FAM107B: variants seen among roughly 807,000 people sequenced by gnomAD.
FAM107B encodes the protein protein FAM107B.
FAM107B carries 21 observed loss-of-function variants against 31.5 expected under a neutral mutation model. That is an observed-to-expected ratio of 0.67 (90% CI 0.47 to 0.96). The LOEUF (loss-of-function observed/expected upper bound fraction) is 0.96, where lower values mean the gene tolerates loss of function less well. Ranked by LOEUF, FAM107B falls within the 40% of genes least tolerant of loss-of-function variation. The pLI is 0.00. For synonymous variants in FAM107B, 157 were observed against 141.5 expected, an observed-to-expected ratio of 1.11 and a Z score of -0.78; for missense variants, 452 against 377.1, an observed-to-expected ratio of 1.20 and a Z score of -1.64.
At chr10:14,592,075 GA>G (rs1235124204) in intron 2 of FAM107B, among the ~76,000 whole-genome samples, 2 of 152,204 alleles carry the variant, frequency 1.3e-5, no homozygotes, top group South Asian at 2.1e-4. Flanking sequence ...AATAAGGGAT[GA>G]AATCAATGCT....
At chr10:14,594,555 G>T (rs1461361413) in intron 2 of FAM107B, among the ~76,000 whole-genome samples, 5 of 151,542 alleles carry the variant, frequency 3.3e-5, no homozygotes, top group African/African-American at 9.7e-5. Flanking sequence ...TTCTCCAACT[G>T]GAATCCCAAT....
At chr10:14,548,354 G>T in intron 2 of FAM107B, 2 of 929,684 alleles carry the variant, frequency 2.2e-6, no homozygotes, top group Non-Finnish European at 2.6e-6. Context: ...ATGCTCTTCC[G>T]ACTGCACCTC....
chr10:14,629,839 T>C (rs7904725), intron 2 of FAM107B, among the ~76,000 whole-genome samples: 6,284 of 151,996 alleles, frequency 0.041, 197 homozygotes, highest in African/African-American at 0.088. Context: ...AAATTTATTG[T>C]TATTATATAT....
At position 14,522,212 on chromosome 10, in the gene FAM107B, C is replaced by T. The variant is rs181323637; in HGVS notation, c.654-193G>A. 282 of 675,422 alleles carry T rather than the reference C, an allele frequency of 4.2e-4. 1 individual carries two copies. In the Admixed American group the frequency reaches 7.8e-3, roughly 19 times the overall value. The allele number at this position is 675,422 out of a possible 1,614,324, so 41.8% of individuals were successfully genotyped here. ...CGAAAGAAAGGCAAGAGGAGATCTC[C>T]AAAGAGTACATAAAATCCATTCATT... is the stretch of plus-strand genomic sequence containing the variant. On this transcript the variant is annotated intron_variant, in intron 3 of 4. Coordinates refer to ENST00000181796, the MANE Select transcript of FAM107B (RefSeq NM_031453.4).
rs1015138297 is a variant in FAM107B at position 14,518,772 on chromosome 10, C to T, written c.*2418G>A. 1 of 152,598 alleles carries T rather than the reference C, an allele frequency of 6.6e-6. No homozygotes were observed. The highest frequency in any genetic ancestry group is 1.5e-5 in the Non-Finnish European group (1 of 68,034). 9.5% of individuals were successfully genotyped at this position (152,598 alleles called of 1,614,324 possible). A position where few individuals can be genotyped will look rare whatever the true frequency, so the allele number is the denominator to read the frequency against. On this transcript the variant is annotated 3_prime_UTR_variant, in exon 5 of 5. Transcript: ENST00000181796. ...TTTCAGAGTAGAAGAATAAAGTCGA[C>T]TGTTATAGCTTAGAAAGCAACACTA...
chr10:14,578,833 A>G (rs1010871857), intron 2 of FAM107B, among the ~76,000 whole-genome samples: 1 of 152,220 alleles, frequency 6.6e-6, no homozygotes, highest in Admixed American at 6.5e-5. Flanking sequence ...ATGACGATCA[A>G]ATTTTAATCT....
chr10:14,752,923 C>A (rs1463994515), intron 1 of FAM107B, among the ~76,000 whole-genome samples: 2 of 114,342 alleles, frequency 1.7e-5, no homozygotes, highest in African/African-American at 7.2e-5. Flanking sequence ...CAGAGCAAGA[C>A]CCTGTCTCAA....
rs945966516 is a variant in FAM107B at position 14,530,587 on chromosome 10, C to A, written c.470-72G>T. On this transcript the variant is annotated intron_variant, in intron 2 of 4. Coordinates refer to ENST00000181796, the MANE Select transcript of FAM107B (RefSeq NM_031453.4). Reference sequence around the variant, plus strand: ...CTTTTCCCACACATGCAGAGGCCCACAGAGCTGTGCTCAGTATGCTAACAC... The same window carrying A: ...CTTTTCCCACACATGCAGAGGCCCAAAGAGCTGTGCTCAGTATGCTAACAC... 6.3e-6 allele frequency: 9 copies of A among 1,425,486 alleles called. No homozygotes were observed. In the Admixed American group the frequency reaches 8.9e-5, roughly 14 times the overall value. 88.3% of individuals were successfully genotyped at this position (1,425,486 alleles called of 1,614,324 possible). A position where few individuals can be genotyped will look rare whatever the true frequency, so the allele number is the denominator to read the frequency against.
At chr10:14,748,217 C>T (rs984619964) in intron 1 of FAM107B, among the ~76,000 whole-genome samples, 24 of 152,008 alleles carry the variant, frequency 1.6e-4, no homozygotes, top group African/African-American at 5.8e-4. Context: ...AATCACAGTG[C>T]CTGGCTTGTA....
chr10:14,721,504 T>C (rs896590050), intron 1 of FAM107B, among the ~76,000 whole-genome samples: 3 of 152,112 alleles, frequency 2.0e-5, no homozygotes, highest in Non-Finnish European at 2.9e-5. Flanking sequence ...CTCTCCAGCA[T>C]CTGTTGTTTC....
chr10:14,521,352 C>A (rs760651219), intron 4 of FAM107B, 46 bp from the exon 5 acceptor site: 56 of 1,505,584 alleles, frequency 3.7e-5, no homozygotes, highest in Non-Finnish European at 4.6e-5. Context: ...AACCAAGCAG[C>A]CTTTCAAAAT....
chr10:14,576,765 AAAG>A (rs1851479220), intron 2 of FAM107B, among the ~76,000 whole-genome samples: 1 of 152,238 alleles, frequency 6.6e-6, no homozygotes, highest in East Asian at 1.9e-4. Flanking sequence ...CTACAAAATG[AAAG>A]AAGATTGCAA....
At chr10:14,756,958 G>A (rs970509955) in intron 1 of FAM107B, among the ~76,000 whole-genome samples, 1 of 152,114 alleles carries the variant, frequency 6.6e-6, no homozygotes, top group Non-Finnish European at 1.5e-5. Context: ...GGAGCTAAAT[G>A]ATGAGAACAC....
rs907233004 is a variant in FAM107B at position 14,671,390 on chromosome 10, C to A, written c.412-3699G>T. On this transcript the variant is annotated intron_variant, in intron 1 of 4. Transcript: ENST00000181796. ...AAGGAAGAAAAGGGGGAAACAGGGA[C>A]TCTTACTAGGTCAGAGTCCCTGCTA... Among the ~76,000 whole-genome samples the A allele has an allele frequency of 3.9e-5, 6 of 152,210 alleles. No individual in the cohort carries two copies. In the South Asian group the frequency reaches 1.2e-3, roughly 32 times the overall value.
intron 2 of FAM107B, among the ~76,000 whole-genome samples, chr10:14,583,711 AG>A (rs141630974): frequency 0.035 from 5,353 of 151,460 alleles, 249 homozygotes; most frequent in African/African-American, 0.11. Flanking sequence ...GCTATGAAGG[AG>A]GGGGAAAAGT....
Position 14,518,656 on chromosome 10 carries a change from C to T in FAM107B, c.*2534G>A, listed in dbSNP as rs1845346377. Reference sequence around the variant, plus strand: ...ATACTTTCCGTTAAAAACAATTATACAAGAGCAAATACAAAAAATATTAAA... The same window carrying T: ...ATACTTTCCGTTAAAAACAATTATATAAGAGCAAATACAAAAAATATTAAA... On this transcript the variant is annotated 3_prime_UTR_variant, in exon 5 of 5. Coordinates refer to ENST00000181796, the MANE Select transcript of FAM107B (RefSeq NM_031453.4). 6.6e-6 allele frequency: 1 copy of T among 152,588 alleles called. No homozygotes were observed. The highest frequency in any genetic ancestry group is 2.4e-5 in the African/African-American group (1 of 41,430). The allele number at this position is 152,588 out of a possible 1,614,324, so 9.5% of individuals were successfully genotyped here.
intron 1 of FAM107B, among the ~76,000 whole-genome samples, chr10:14,729,085 T>TG (rs1856103828): frequency 1.3e-5 from 2 of 152,144 alleles, no homozygotes; most frequent in African/African-American, 4.8e-5. Context: ...CTTGACCTTC[T>TG]GGGCTCAAGC....
chr10:14,757,624 G>A (rs558184875), intron 1 of FAM107B, among the ~76,000 whole-genome samples: 4 of 152,288 alleles, frequency 2.6e-5, no homozygotes, highest in African/African-American at 4.8e-5. Context: ...GATGACTTCC[G>A]CAGGCAGCTG....
At chr10:14,602,999 C>CACACACACACACACACACA (rs1564596178) in intron 2 of FAM107B, 1 of 146,866 alleles carries the variant, frequency 6.8e-6, no homozygotes, top group Admixed American at 6.8e-5. Context: ...ACCCTCTTTC[C>CACACACACACACACACACA]CACACACACA....
Sources: gnomAD v4.1 joint callset for allele counts (sites outside exome capture counted in the v4.1 genomes callset) on GRCh38, gnomAD v4.1.1 for gene constraint, MANE v1.5 for transcripts, NCBI Gene and HGNC (gene_info 2026-07-23, HGNC 2026-07-21) for gene names.